The following PIP5K1C variants were observed in gnomAD, a reference collection of about 807,000 sequenced individuals.
PIP5K1C encodes phosphatidylinositol 4-phosphate 5-kinase type-1 gamma.
PIP5K1C carries 45 observed loss-of-function variants against 80.1 expected under a neutral mutation model. The observed-to-expected ratio is 0.56, with a 90% CI of 0.44 to 0.72. The LOEUF (loss-of-function observed/expected upper bound fraction) is 0.72. PIP5K1C is among the 30% of genes least tolerant of loss of function. PIP5K1C has a pLI of 0.00. For synonymous variants in PIP5K1C, 498 were observed against 420.1 expected, an observed-to-expected ratio of 1.19 and a Z score of -2.27; for missense variants, 753 against 954.6, an observed-to-expected ratio of 0.79 and a Z score of 2.78.
At chr19:3,634,677 G>A (rs2033600109) in intron 16 of PIP5K1C, among the ~76,000 whole-genome samples, 1 of 152,234 alleles carries the variant, frequency 6.6e-6, no homozygotes, top group African/African-American at 2.4e-5. Flanking sequence ...TGGGCCAGCA[G>A]GGGCCTCCCT....
intron 8 of PIP5K1C, chr19:3,649,963 C>T (rs1489174280): frequency 8.0e-5 from 19 of 236,142 alleles, no homozygotes; most frequent in Non-Finnish European, 1.4e-4. Flanking sequence ...GCGCCCTGCA[C>T]GCTCTGCTCA....
chr19:3,644,729 G>C (rs564434331), intron 11 of PIP5K1C, among the ~76,000 whole-genome samples: 2 of 152,228 alleles, frequency 1.3e-5, no homozygotes, highest in African/African-American at 4.8e-5. Flanking sequence ...TGTGCGGCTC[G>C]GTCTCTCTGG....
In PIP5K1C at chr19:3,643,258, T is replaced by A; in HGVS notation, c.1634A>T (p.Glu545Val). 1 of 1,613,390 alleles carries A rather than the reference T, an allele frequency of 6.2e-7. No individual in the cohort carries two copies. The highest frequency in any genetic ancestry group is 8.5e-7 in the Non-Finnish European group (1 of 1,179,740). ...IPERSPSETSEQPRYRRRTQS... is the reference protein window; with the variant it reads ...IPERSPSETSVQPRYRRRTQS... ...CCTCGCCCACCTGTACCGCGGCTGC[T>A]CCGACGTCTCCGAGGGGGACCGCTC... The change falls in exon 13 of 18, where the codon GAG becomes GTG. Residue 545 changes from glutamate to valine, a missense_variant. Around this residue, in one of 6 missense-constraint regions of PIP5K1C, gnomAD observed 315 missense variants for 294.5 expected, o/e 1.07. Coordinates refer to ENST00000335312, the MANE Select transcript of PIP5K1C (RefSeq NM_012398.3).
chr19:3,650,082 C>CG (rs898253542), intron 8 of PIP5K1C: 4 of 159,036 alleles, frequency 2.5e-5, no homozygotes, highest in Admixed American at 1.3e-4. Context: ...CCCGCACCCC[C>CG]CCGCAGCTAC....
intron 17 of PIP5K1C, 55 bp from the exon 18 acceptor site, chr19:3,633,224 CCCCTGCCAGGGACTGG>C: frequency 1.4e-6 from 1 of 738,762 alleles, no homozygotes. Context: ...CACCCCAGGC[CCCCTGCCAGGGACTGG>C]CTTCCTTGGG....
intron 1 of PIP5K1C, among the ~76,000 whole-genome samples, chr19:3,685,611 T>C (rs1481481175): frequency 1.3e-5 from 2 of 151,682 alleles, no homozygotes; most frequent in African/African-American, 4.8e-5. Context: ...GCGCCTGTAG[T>C]CCCAGCTACT....
chr19:3,637,351 G>C lies in PIP5K1C; in HGVS notation c.1920+1533C>G. 1 of 1,534,782 alleles carries C rather than the reference G, an allele frequency of 6.5e-7. No homozygotes were observed. On this transcript the variant is annotated intron_variant, in intron 16 of 17. Coordinates refer to ENST00000335312, the MANE Select transcript of PIP5K1C (RefSeq NM_012398.3). The surrounding 1 kb of genome is among the most constrained non-coding windows in gnomAD (Gnocchi z 7.0). ...GGGACCGAATGACATTCCCAGTGAC[G>C]CATGCAGCCCAGCGCCTGGTCCGGG...
At chr19:3,667,456 G>C (rs1282741190) in intron 1 of PIP5K1C, 103 bp from the exon 2 acceptor site, 1 of 1,224,412 alleles carries the variant, frequency 8.2e-7, no homozygotes. Flanking sequence ...CCTGGCGTGT[G>C]TAACTCCGCG....
Position 3,688,923 on chromosome 19 carries a change from G to C in PIP5K1C, c.94+11374C>G, listed in dbSNP as rs545138606. On this transcript the variant is annotated intron_variant, in intron 1 of 17. Coordinates refer to ENST00000335312, the MANE Select transcript of PIP5K1C (RefSeq NM_012398.3). This position sits in a 1 kb window ranked among gnomAD's most constrained non-coding sequence, Gnocchi z 5.3. ...CCCAACACAGCCTGCAAATGGGCGG[G>C]GGCCTGGGAGAGTGCCCGGGATGGG... 1.3e-5 allele frequency among the ~76,000 whole-genome samples: 2 copies of C among 151,642 alleles called. No homozygotes were observed. Among genetic ancestry groups the C allele is most frequent in the South Asian group, 4.1e-4 (2 of 4,820 alleles).
In PIP5K1C at chr19:3,632,852, TTGTG is replaced by T; in HGVS notation, c.*311_*314del. ...GCTCTTCTCCCTCTGGTTGGTTTGTTTGTGTCTTTTTTGTTCTTTTCCTAAAACG... is the reference window on the plus strand; with the variant it reads ...GCTCTTCTCCCTCTGGTTGGTTTGTTTCTTTTTTGTTCTTTTCCTAAAACG... On this transcript the variant is annotated 3_prime_UTR_variant, in exon 18 of 18. Coordinates refer to ENST00000335312, the MANE Select transcript of PIP5K1C (RefSeq NM_012398.3). The T allele has an allele frequency of 2.4e-6, 1 of 410,718 alleles. No individual in the cohort carries two copies. 25.4% of individuals were successfully genotyped at this position (410,718 alleles called of 1,614,324 possible). A position where few individuals can be genotyped will look rare whatever the true frequency, so the allele number is the denominator to read the frequency against.
At chr19:3,699,750 G>A (rs555435314) in intron 1 of PIP5K1C, among the ~76,000 whole-genome samples, 65 of 152,330 alleles carry the variant, frequency 4.3e-4, no homozygotes, top group Non-Finnish European at 6.6e-4. Context: ...TGTCCTGGGG[G>A]AAGGCTCGGG....
intron 1 of PIP5K1C, among the ~76,000 whole-genome samples, chr19:3,683,460 A>G (rs917169584): frequency 2.0e-5 from 3 of 152,222 alleles, no homozygotes; most frequent in Non-Finnish European, 1.5e-5. Flanking sequence ...GAGACGAGCT[A>G]GCCCACCTTC....
chr19:3,637,693 G>A lies in PIP5K1C; in HGVS notation c.1920+1191C>T. ...ATGAGGCGGCCACCCCCGTGGTCGG[G>A]TGGGAGAGGCGGAGGGAGGTGGCGG... On this transcript the variant is annotated intron_variant, in intron 16 of 17. Coordinates refer to ENST00000335312, the MANE Select transcript of PIP5K1C (RefSeq NM_012398.3). This position sits in a 1 kb window ranked among gnomAD's most constrained non-coding sequence, Gnocchi z 7.0. 1.3e-6 allele frequency: 2 copies of A among 1,509,156 alleles called. No homozygotes were observed. The highest frequency in any genetic ancestry group is 1.8e-6 in the Non-Finnish European group (2 of 1,132,900). The allele number at this position is 1,509,156 out of a possible 1,614,324, so 93.5% of individuals were successfully genotyped here.
chr19:3,639,439 ATTTGT>A (rs2033866115), intron 15 of PIP5K1C, among the ~76,000 whole-genome samples: 1 of 151,788 alleles, frequency 6.6e-6, no homozygotes. Flanking sequence ...TCTTTCATTG[ATTTGT>A]TTTTTCAGAC....
chr19:3,699,325 C>A (rs1262047894), intron 1 of PIP5K1C, among the ~76,000 whole-genome samples: 1 of 111,098 alleles, frequency 9.0e-6, no homozygotes, highest in African/African-American at 3.6e-5. Flanking sequence ...GAGTGTCTTT[C>A]AAGGCGGGGG....
chr19:3,667,491 C>A lies in PIP5K1C; in HGVS notation c.95-138G>T. 4.4e-6 allele frequency: 4 copies of A among 910,332 alleles called. No individual in the cohort carries two copies. The Admixed American group carries it at 7.3e-5, about 17-fold the overall frequency. 56.4% of individuals were successfully genotyped at this position (910,332 alleles called of 1,614,324 possible). A position where few individuals can be genotyped will look rare whatever the true frequency, so the allele number is the denominator to read the frequency against. ...GTGGGGCTGGTCTCAAGGCTACACA[C>A]AAGTGAAGACATGGACTGAGTGCGC... On this transcript the variant is annotated intron_variant, in intron 1 of 17. Coordinates refer to ENST00000335312, the MANE Select transcript of PIP5K1C (RefSeq NM_012398.3).
chr19:3,632,903 T>C lies in PIP5K1C; in HGVS notation c.*264A>G, dbSNP rs962238459. On this transcript the variant is annotated 3_prime_UTR_variant, in exon 18 of 18. Transcript: ENST00000335312. ...AACGGCACACACGTGCTTCCGTCTC[T>C]GTGCCAAATAAGGACTCAAATGCGA... is the stretch of plus-strand genomic sequence containing the variant. 5.8e-6 allele frequency: 3 copies of C among 514,744 alleles called. No homozygotes were observed. Among genetic ancestry groups the C allele is most frequent in the Admixed American group, 6.9e-5 (2 of 28,782 alleles). 31.9% of individuals were successfully genotyped at this position (514,744 alleles called of 1,614,324 possible).
chr19:3,645,055 C>T (rs2034153098), intron 11 of PIP5K1C, among the ~76,000 whole-genome samples: 1 of 152,236 alleles, frequency 6.6e-6, no homozygotes, highest in African/African-American at 2.4e-5. Flanking sequence ...GTGGTGTCTG[C>T]CAATTCCCAC....
intron 8 of PIP5K1C, among the ~76,000 whole-genome samples, chr19:3,649,113 A>C (rs58633104): frequency 1.5e-5 from 1 of 67,104 alleles, no homozygotes; most frequent in Admixed American, 1.7e-4. Flanking sequence ...ACCCGGCACC[A>C]TGCCCACACG....
Sources: gnomAD v4.1 joint callset for allele counts (sites outside exome capture counted in the v4.1 genomes callset) on GRCh38, gnomAD v4.1.1 for gene constraint, gnomAD v4.1.1 regional missense constraint, Gnocchi (gnomAD v3.1) non-coding constraint, MANE v1.5 for transcripts, NCBI Gene and HGNC (gene_info 2026-07-23, HGNC 2026-07-21) for gene names.